Variants in USP40 observed in about 807,000 individuals in gnomAD.
The protein encoded by USP40 is ubiquitin specific peptidase 40.
Under a neutral mutation model 166.2 loss-of-function variants are expected in USP40, and 143 were observed. The observed-to-expected ratio is 0.86, with a 90% CI of 0.75 to 0.99. The LOEUF (loss-of-function observed/expected upper bound fraction) is 0.99, where lower values mean the gene tolerates loss of function less well. Ranked by LOEUF, USP40 falls within the 50% of genes least tolerant of loss-of-function variation. The probability of loss-of-function intolerance (pLI) is 0.00; values close to 1 mark genes in which losing one functional copy is unlikely to be tolerated. For missense variants in USP40, 1,444 were observed against 1,479.7 expected, an observed-to-expected ratio of 0.98 and a Z score of 0.40; for synonymous variants, 498 against 524.0, an observed-to-expected ratio of 0.95 and a Z score of 0.68.
chr2:233,480,941 C>A lies in USP40; in HGVS notation c.3599+262G>T, dbSNP rs2064537744. Among the ~76,000 whole-genome samples the A allele has an allele frequency of 6.6e-6, 1 of 152,084 alleles. No individual in the cohort carries two copies. The highest frequency in any genetic ancestry group is 6.5e-5 in the Admixed American group (1 of 15,274). ...TGCGGGTGAGGAGGAAGGAGGGGGA[C>A]CGGGGGGCCATGGATCTGCGGGCTC... On this transcript the variant is annotated intron_variant, in intron 31 of 31. Coordinates refer to ENST00000678225, the MANE Select transcript of USP40 (RefSeq NM_001365479.2). The surrounding 1 kb of genome is among the most constrained non-coding windows in gnomAD (Gnocchi z 4.5).
Position 233,551,419 on chromosome 2 carries a change from T to C in USP40, c.794A>G (p.Tyr265Cys), listed in dbSNP as rs780377509. 6.2e-7 allele frequency: 1 copy of C among 1,611,810 alleles called. No individual in the cohort carries two copies. The highest frequency in any genetic ancestry group is 1.7e-5 in the Admixed American group (1 of 59,798). ...KCERYKETSCYTFPLRINLKP... is the reference protein window; with the variant it reads ...KCERYKETSCCTFPLRINLKP... Reference sequence around the variant, plus strand: ...GAGATTAATCCGGAGAGGGAATGTATAACAGCTAGTTTCCTTGTAGCGTTC... The same window carrying C: ...GAGATTAATCCGGAGAGGGAATGTACAACAGCTAGTTTCCTTGTAGCGTTC... Residue 265 changes from tyrosine to cysteine, a missense_variant, in exon 7 of 32, where the codon TAT becomes TGT. Transcript: ENST00000678225.
intron 8 of USP40, 168 bp from the exon 9 acceptor site, chr2:233,542,531 G>C (rs974184825): frequency 3.7e-6 from 2 of 545,208 alleles, no homozygotes; most frequent in Admixed American, 3.4e-5. Context: ...GCAACATAGA[G>C]AGACCAGCAC....
intron 11 of USP40, among the ~76,000 whole-genome samples, chr2:233,530,860 A>G (rs1298159746): frequency 6.6e-6 from 1 of 152,166 alleles, no homozygotes; most frequent in East Asian, 1.9e-4. Context: ...GTTTTCCATT[A>G]GCTTGTCATT....
At position 233,511,708 on chromosome 2, in the gene USP40, C is replaced by A; in HGVS notation, c.2526+1G>T. ...TTTTGAAACAGGTGACCTTATTTTA[C>A]CTGAGACGAACTTGGTGCTTTTCCA... On this transcript the variant is annotated splice_donor_variant, in intron 20 of 31. Transcript: ENST00000678225. LOFTEE classifies it high-confidence loss of function. 2.5e-6 allele frequency: 4 copies of A among 1,608,634 alleles called. No homozygotes were observed. Among genetic ancestry groups the A allele is most frequent in the Non-Finnish European group, 3.4e-6 (4 of 1,177,672 alleles).
In USP40 at chr2:233,489,454, G is replaced by A. The variant is rs376630586; in HGVS notation, c.3042C>T (p.Phe1014=). The A allele has an allele frequency of 1.9e-5, 30 of 1,606,590 alleles. No homozygotes were observed. The highest frequency in any genetic ancestry group is 7.8e-5 in the South Asian group (7 of 89,230). Residue 1014 remains phenylalanine, a synonymous_variant, in exon 27 of 32, where the codon TTC becomes TTT. Transcript: ENST00000678225. ...TGAGGTGGGCTGGGGACGGGACACC[G>A]AACTCCAGGAAAGGAGGCAAGGTCA... ...QAMTLPPFLE[F]GVPSPAHLRA... is the part of the protein sequence containing the mutation.
intron 19 of USP40, 98 bp downstream of exon 19, chr2:233,512,470 CA>C: frequency 1.4e-6 from 1 of 702,548 alleles, no homozygotes; most frequent in Non-Finnish European, 2.1e-6. Context: ...AATCAGTTTC[CA>C]AAAGGTAATT....
chr2:233,559,578 C>T (rs1342849321), intron 4 of USP40, among the ~76,000 whole-genome samples: 3 of 152,142 alleles, frequency 2.0e-5, no homozygotes, highest in South Asian at 2.1e-4. Flanking sequence ...TACTTCTCCC[C>T]GTTTTTCCAA....
chr2:233,513,434 A>G (rs1476436688), intron 18 of USP40, among the ~76,000 whole-genome samples: 5 of 152,198 alleles, frequency 3.3e-5, no homozygotes, highest in Admixed American at 2.6e-4. Context: ...ACATGCAGTG[A>G]CAAACCACCA....
chr2:233,507,420 C>T (rs1575254869), intron 21 of USP40, among the ~76,000 whole-genome samples: 1 of 151,996 alleles, frequency 6.6e-6, no homozygotes, highest in East Asian at 1.9e-4. Flanking sequence ...ATCAAATCAA[C>T]CTAAGCATCC....
At position 233,487,966 on chromosome 2, in the gene USP40, T is replaced by A. The variant is rs775286359; in HGVS notation, c.3197+273A>T. 9.5e-6 allele frequency: 6 copies of A among 634,658 alleles called. No homozygotes were observed. The African/African-American group carries it at 1.1e-4, about 11-fold the overall frequency. The allele number at this position is 634,658 out of a possible 1,614,324, so 39.3% of individuals were successfully genotyped here. On this transcript the variant is annotated intron_variant, in intron 28 of 31. Transcript: ENST00000678225. The stretch of plus-strand genomic sequence containing the variant: ...CACTGACAACAGCTGCGGGTGGGCC[T>A]CTTGCTGACACTTCAGGGCCATCAT...
chr2:233,533,242 T>C (rs1391890977), intron 11 of USP40, among the ~76,000 whole-genome samples: 1 of 152,174 alleles, frequency 6.6e-6, no homozygotes, highest in South Asian at 2.1e-4. Flanking sequence ...ATTTTGAAAA[T>C]GTAATGATGA....
intron 11 of USP40, among the ~76,000 whole-genome samples, chr2:233,531,270 TTATAAA>T (rs1471486468): frequency 6.6e-6 from 1 of 152,210 alleles, no homozygotes; most frequent in Admixed American, 6.5e-5. Flanking sequence ...TGCTATAACT[TTATAAA>T]TATGTTTTTA....
At chr2:233,511,893 T>C in intron 19 of USP40, 96 bp from the exon 20 acceptor site, 1 of 1,031,328 alleles carries the variant, frequency 9.7e-7, no homozygotes, top group Non-Finnish European at 1.4e-6. Context: ...AAATCAAGAA[T>C]ATCAAGAAAG....
In USP40 at chr2:233,554,452, T is replaced by C. The variant is rs1465322898; in HGVS notation, c.621A>G (p.Val207=). Residue 207 remains valine (V), a synonymous_variant, in exon 6 of 32, where the codon GTA becomes GTG. Coordinates refer to ENST00000678225, the MANE Select transcript of USP40 (RefSeq NM_001365479.2). ...TGTCACAATCAAAAACTTCCTCTTC[T>C]ACATACATGTTCCAGAGAGCATCTT... ...GLEDALWNMY[V]EEEVFDCDNL... The C allele has an allele frequency of 2.5e-6, 4 of 1,613,344 alleles. No homozygotes were observed. In the African/African-American group the frequency reaches 4.0e-5, roughly 16 times the overall value.
chr2:233,527,417 G>T lies in USP40; in HGVS notation c.1715C>A (p.Ser572Ter). Residue 572 changes from serine to a stop codon, truncating the protein, a stop_gained, in exon 13 of 32, where the codon TCA becomes TAA. Transcript: ENST00000678225. LOFTEE classifies it high-confidence loss of function. The part of the protein sequence containing the change: ...KRKTLGDLRQ[S>*]IFQLLEFWEG... The stretch of plus-strand genomic sequence containing the variant: ...GTAAGGCGATATTACCTGAAATATT[G>T]ACTGCCGGAGATCTCCTAAAGTTTT... 3 of 1,611,784 alleles carry T rather than the reference G, an allele frequency of 1.9e-6. No individual in the cohort carries two copies. The highest frequency in any genetic ancestry group is 1.1e-5 in the South Asian group (1 of 90,626).
intron 20 of USP40, among the ~76,000 whole-genome samples, chr2:233,511,217 C>T (rs1442090166): frequency 6.6e-6 from 1 of 152,074 alleles, no homozygotes. Context: ...CTGTTAAAGA[C>T]AAGGGGAAAG....
In USP40 at chr2:233,511,808, T is replaced by C. The variant is rs1231405497; in HGVS notation, c.2438-11A>G. ...TATAGCTGTCCGGCACTTAAAAAAA[T>C]TTTGATAATATGATGAAGGTTATTA... On this transcript the variant is annotated splice_polypyrimidine_tract_variant and intron_variant, in intron 19 of 31. Transcript: ENST00000678225. 3 of 1,593,172 alleles carry C rather than the reference T, an allele frequency of 1.9e-6. No individual in the cohort carries two copies. The highest frequency in any genetic ancestry group is 3.5e-5 in the Admixed American group (2 of 57,380).
At chr2:233,520,930 T>C in intron 17 of USP40, 61 bp downstream of exon 17, 1 of 1,552,924 alleles carries the variant, frequency 6.4e-7, no homozygotes, top group Non-Finnish European at 8.7e-7. Context: ...GGTATTGTTT[T>C]CTAAATAAAA....
At position 233,549,188 on chromosome 2, in the gene USP40, T is replaced by C; in HGVS notation, c.879A>G (p.Ser293=). The C allele has an allele frequency of 6.5e-7, 1 of 1,531,918 alleles. No homozygotes were observed. The highest frequency in any genetic ancestry group is 9.0e-7 in the Non-Finnish European group (1 of 1,114,110). 94.9% of individuals were successfully genotyped at this position (1,531,918 alleles called of 1,614,324 possible). The change falls in exon 8 of 32, where the codon TCA becomes TCG. Residue 293 remains serine (S), a synonymous_variant. Transcript: ENST00000678225. ...DDLEYIYDLF[S]VIIHKGGCYG... ...AGCAGCCACCTTTGTGTATAATAAC[T>C]GAGAAGAGGTCATATATATATTCTA...
Sources: gnomAD v4.1 joint callset for allele counts (sites outside exome capture counted in the v4.1 genomes callset) on GRCh38, gnomAD v4.1.1 for gene constraint, Gnocchi (gnomAD v3.1) non-coding constraint, MANE v1.5 for transcripts, NCBI Gene and HGNC (gene_info 2026-07-23, HGNC 2026-07-21) for gene names.